Variants in CCDC7 observed in about 807,000 individuals in gnomAD.
CCDC7 encodes the protein coiled-coil domain containing 7, also known as coiled-coil domain-containing protein 7.
CCDC7 carries 183 observed loss-of-function variants against 196.9 expected under a neutral mutation model. The observed-to-expected ratio is 0.93, with a 90% confidence interval of 0.82 to 1.05. The LOEUF (loss-of-function observed/expected upper bound fraction) is 1.05, where lower values mean the gene tolerates loss of function less well. Ranked by LOEUF, CCDC7 falls within the 50% of genes least tolerant of loss-of-function variation. The pLI is 0.00. For synonymous variants in CCDC7, 525 were observed against 484.6 expected, an observed-to-expected ratio of 1.08 and a Z score of -1.10; for missense variants, 1,540 against 1,482.2, an observed-to-expected ratio of 1.04 and a Z score of -0.64.
chr10:32,814,619 A>C (rs562187223), intron 31 of CCDC7, among the ~76,000 whole-genome samples, 166 bp downstream of exon 32: 5 of 152,166 alleles, frequency 3.3e-5, no homozygotes, highest in African/African-American at 1.2e-4. Flanking sequence ...TCAACTAGCA[A>C]TGTAAAATTA....
At chr10:32,732,367 A>G (rs952829702) in intron 28 of CCDC7, among the ~76,000 whole-genome samples, 1 of 152,160 alleles carries the variant, frequency 6.6e-6, no homozygotes, top group Admixed American at 6.5e-5. Flanking sequence ...CACAAATATG[A>G]TTTTTACATG....
intron 18 of CCDC7, among the ~76,000 whole-genome samples, chr10:32,603,475 T>C (rs2061273850): frequency 2.0e-5 from 3 of 152,180 alleles, no homozygotes; most frequent in African/African-American, 7.2e-5. Context: ...AGTAGTGGGA[T>C]TGCTGGATCA....
At chr10:32,734,538 G>C (rs915852206) in intron 28 of CCDC7, among the ~76,000 whole-genome samples, 5 of 152,068 alleles carry the variant, frequency 3.3e-5, no homozygotes, top group African/African-American at 1.2e-4. Flanking sequence ...AAACCTCCAT[G>C]ACATGAGTTT....
chr10:32,792,760 A>G (rs1022064018), intron 29 of CCDC7, among the ~76,000 whole-genome samples: 73 of 152,306 alleles, frequency 4.8e-4, no homozygotes, highest in African/African-American at 1.2e-4. Context: ...AGATCACGCC[A>G]TTGCACTCCA....
chr10:32,647,029 A>G (rs2067886343), intron 20 of CCDC7, among the ~76,000 whole-genome samples: 1 of 152,194 alleles, frequency 6.6e-6, no homozygotes, highest in African/African-American at 2.4e-5. Context: ...TGTGAATAGT[A>G]CAGTAATGAA....
chr10:32,513,171 A>G (rs1254363454), intron 9 of CCDC7: 2 of 152,154 alleles, frequency 1.3e-5, no homozygotes, highest in African/African-American at 2.4e-5. Flanking sequence ...TTTTGTTAGT[A>G]GGAGTATGGC....
At chr10:32,635,425 A>C (rs1403148342) in intron 20 of CCDC7, among the ~76,000 whole-genome samples, 1 of 152,188 alleles carries the variant, frequency 6.6e-6, no homozygotes, top group Non-Finnish European at 1.5e-5. Context: ...ATTTAAAATT[A>C]ACAATCTTAC....
At chr10:32,622,848 CT>C (rs2063560324) in intron 18 of CCDC7, among the ~76,000 whole-genome samples, 1 of 151,998 alleles carries the variant, frequency 6.6e-6, no homozygotes, top group Non-Finnish European at 1.5e-5. Flanking sequence ...ATAATTATTT[CT>C]ATGATAATAA....
intron 26 of CCDC7, among the ~76,000 whole-genome samples, chr10:32,728,594 T>C (rs2083455571): frequency 6.6e-6 from 1 of 152,208 alleles, no homozygotes; most frequent in South Asian, 2.1e-4. Context: ...GGCCTATGAT[T>C]ATATATTAAG....
intron 24 of CCDC7, among the ~76,000 whole-genome samples, chr10:32,707,879 G>C (rs2141793606): frequency 6.6e-6 from 1 of 152,236 alleles, no homozygotes; most frequent in African/African-American, 2.4e-5. Flanking sequence ...TCAATATCGT[G>C]AAAATGGCCA....
chr10:32,661,266 A>C (rs1191606801), intron 20 of CCDC7, among the ~76,000 whole-genome samples: 1 of 149,736 alleles, frequency 6.7e-6, no homozygotes, highest in Non-Finnish European at 1.5e-5. Context: ...TCAAAACCAC[A>C]ATGAGATACC....
chr10:32,725,052 A>G (rs1029938115), intron 25 of CCDC7, among the ~76,000 whole-genome samples: 6 of 152,094 alleles, frequency 3.9e-5, no homozygotes, highest in Admixed American at 2.0e-4. Context: ...CTACTTATAC[A>G]TACACACACA....
intron 18 of CCDC7, among the ~76,000 whole-genome samples, chr10:32,587,032 A>G (rs1383145744): frequency 6.6e-6 from 1 of 152,186 alleles, no homozygotes; most frequent in African/African-American, 2.4e-5. Flanking sequence ...AACTGAATTA[A>G]TCTAGTTAAA....
chr10:32,715,140 C>A (rs2081383655), intron 25 of CCDC7, among the ~76,000 whole-genome samples: 1 of 152,238 alleles, frequency 6.6e-6, no homozygotes, highest in Non-Finnish European at 1.5e-5. Context: ...ACACCTCATA[C>A]AGGAGAGCTC....
intron 41 of CCDC7, among the ~76,000 whole-genome samples, chr10:32,861,957 C>A (rs2094003812): frequency 6.6e-6 from 1 of 152,172 alleles, no homozygotes; most frequent in Non-Finnish European, 1.5e-5. Context: ...AACACTTTTA[C>A]ACTGCTGGTG....
At chr10:32,731,706 G>T (rs931248842) in intron 28 of CCDC7, among the ~76,000 whole-genome samples, 3 of 152,148 alleles carry the variant, frequency 2.0e-5, no homozygotes, top group African/African-American at 7.2e-5. Flanking sequence ...AAATGTGTCA[G>T]AGGTTTTATT....
intron 29 of CCDC7, among the ~76,000 whole-genome samples, chr10:32,801,210 G>A (rs1415168728): frequency 6.6e-6 from 1 of 152,202 alleles, no homozygotes; most frequent in East Asian, 1.9e-4. Context: ...TATTGGTCAA[G>A]ATTATGTCTT....
At chr10:32,688,068 T>A (rs764019259) in intron 22 of CCDC7, among the ~76,000 whole-genome samples, 1 of 152,082 alleles carries the variant, frequency 6.6e-6, no homozygotes, top group Non-Finnish European at 1.5e-5. Context: ...AGTGTTCATA[T>A]CTCTTTTTTT....
At chr10:32,733,639 T>C (rs1190528932) in intron 28 of CCDC7, among the ~76,000 whole-genome samples, 2 of 151,972 alleles carry the variant, frequency 1.3e-5, no homozygotes, top group Admixed American at 1.3e-4. Context: ...TCTGTTCAGT[T>C]CTTACTTTTT....
Sources: allele counts gnomAD v4.1 joint callset (sites outside exome capture counted in the v4.1 genomes callset), GRCh38; gene constraint gnomAD v4.1.1; transcripts MANE v1.5; gene names NCBI Gene and HGNC (gene_info 2026-07-23, HGNC 2026-07-21).